The following SYN1 variants were observed in gnomAD, a reference collection of about 807,000 sequenced individuals.
SYN1 encodes synapsin I.
A neutral mutation model predicts 44.6 loss-of-function variants in SYN1; 8 were observed. The observed-to-expected ratio is 0.18, with a 90% CI of 0.11 to 0.32. The LOEUF (loss-of-function observed/expected upper bound fraction) is 0.32, where lower values mean the gene tolerates loss of function less well. Ranked by LOEUF, SYN1 falls within the 10% of genes least tolerant of loss-of-function variation. The pLI is 1.00. For missense variants in SYN1, 451 were observed against 639.4 expected (o/e 0.71, Z 3.18); for synonymous variants, 275 against 280.1 (o/e 0.98, Z 0.18).
intron 5 of SYN1, among the ~76,000 whole-genome samples, chrX:47,589,626 C>A (rs2057841386): frequency 9.2e-6 from 1 of 108,398 alleles, no homozygotes; most frequent in Non-Finnish European, 1.9e-5. Flanking sequence ...AGCAGGAACC[C>A]TGGAGCCAGA....
intron 5 of SYN1, among the ~76,000 whole-genome samples, chrX:47,600,737 T>A (rs2057877374): frequency 9.0e-6 from 1 of 111,548 alleles, no homozygotes; most frequent in Admixed American, 9.6e-5. Context: ...AGAAGAAAAT[T>A]TGAAAAATTT....
chrX:47,619,378 C>A lies in SYN1; in HGVS notation c.351G>T (p.Leu117=), dbSNP rs752724722. 8.4e-7 allele frequency: 1 copy of A among 1,197,384 alleles called. No homozygotes were observed. Among genetic ancestry groups the A allele is most frequent in the Non-Finnish European group, 1.1e-6 (1 of 893,140 alleles). ...AGTCGGTGTGCGGCTCGTCGATGAC[C>A]AGCAGCACCCTGGAGGCGGCTCCCC... ...GRGGAASRVL[L]VIDEPHTDWA... Residue 117 remains leucine, a synonymous_variant, in exon 1 of 13, where the codon CTG becomes CTT. Coordinates refer to ENST00000295987, the MANE Select transcript of SYN1 (RefSeq NM_006950.3).
At chrX:47,588,697 T>C (rs6520279) in intron 5 of SYN1, among the ~76,000 whole-genome samples, 50,801 of 110,287 alleles carry the variant, frequency 0.46, 8,436 homozygotes, top group South Asian at 0.51. Flanking sequence ...GTAGAACATC[T>C]GTTAAAATAG....
chrX:47,572,973 A>C lies in SYN1; in HGVS notation c.2009T>G (p.Phe670Cys), dbSNP rs2057764692. The change falls in exon 13 of 13, where the codon TTC becomes TGC. Residue 670 changes from phenylalanine (F) to cysteine (C), a missense_variant. Around this residue, in one of 3 missense-constraint regions of SYN1, gnomAD observed 127 missense variants for 154.8 expected, o/e 0.82. Coordinates refer to ENST00000295987, the MANE Select transcript of SYN1 (RefSeq NM_006950.3). Reference sequence around the variant, plus strand: ...GGGCGGGGCTGGCTCTGGAAGGTTGAAGGCATTGGTCAGAGACTGGGATTT... The same window carrying C: ...GGGCGGGGCTGGCTCTGGAAGGTTGCAGGCATTGGTCAGAGACTGGGATTT... ...LNKSQSLTNA[F>C]NLPEPAPPRP... is the part of the protein sequence containing the mutation. 8.3e-7 allele frequency: 1 copy of C among 1,209,037 alleles called. No homozygotes were observed. Among genetic ancestry groups the C allele is most frequent in the African/African-American group, 1.8e-5 (1 of 56,823 alleles).
At chrX:47,605,978 C>T (rs1388530843) in intron 3 of SYN1, among the ~76,000 whole-genome samples, 2 of 109,975 alleles carry the variant, frequency 1.8e-5, no homozygotes, top group Admixed American at 1.9e-4. Flanking sequence ...CTGTAATCTC[C>T]GCCTCTCGGG....
At chrX:47,594,517 A>T (rs2147923535) in intron 5 of SYN1, among the ~76,000 whole-genome samples, 1 of 104,925 alleles carries the variant, frequency 9.5e-6, no homozygotes, top group Admixed American at 1.0e-4. Context: ...TGGGTGACAA[A>T]GTGAGACTCT....
At chrX:47,600,253 G>A (rs2057875944) in intron 5 of SYN1, among the ~76,000 whole-genome samples, 1 of 109,639 alleles carries the variant, frequency 9.1e-6, no homozygotes, top group African/African-American at 3.3e-5. Flanking sequence ...GTGCAGTGGT[G>A]CAATCTCAGC....
At chrX:47,600,644 C>G (rs1165535548) in intron 5 of SYN1, among the ~76,000 whole-genome samples, 3 of 111,902 alleles carry the variant, frequency 2.7e-5, no homozygotes, top group Non-Finnish European at 5.6e-5. Flanking sequence ...AGCCAGAAAA[C>G]AAATCTCAGT....
At chrX:47,583,897 A>T (rs985726635) in intron 5 of SYN1, among the ~76,000 whole-genome samples, 3 of 111,857 alleles carry the variant, frequency 2.7e-5, no homozygotes, top group Non-Finnish European at 5.6e-5. Context: ...GATACTTGTT[A>T]TAACACAGTA....
rs369858603 is a variant in SYN1, at chrX:47,614,468, G to A, written c.377+4884C>T. Reference sequence around the variant, plus strand: ...GGAGAGGATGAATATCATTTATGACGTTGAAATCAACTGCAGCAGCAGAGA... The same window carrying A: ...GGAGAGGATGAATATCATTTATGACATTGAAATCAACTGCAGCAGCAGAGA... On this transcript the variant is annotated intron_variant, in intron 1 of 12. Coordinates refer to ENST00000295987, the MANE Select transcript of SYN1 (RefSeq NM_006950.3). Among the ~76,000 whole-genome samples the A allele has an allele frequency of 2.2e-4, 25 of 111,460 alleles. No individual in the cohort carries two copies. In the South Asian group the frequency reaches 9.2e-3, roughly 41 times the overall value.
rs1410280625 is a variant in SYN1 at position 47,572,253 on chromosome X, C to G, written c.*611G>C. 1 of 112,383 alleles carries G rather than the reference C, an allele frequency of 8.9e-6. No individual in the cohort carries two copies. Among genetic ancestry groups the G allele is most frequent in the African/African-American group, 3.3e-5 (1 of 30,229 alleles). 9.3% of individuals were successfully genotyped at this position (112,383 alleles called of 1,213,427 possible). A position where few individuals can be genotyped will look rare whatever the true frequency, so the allele number is the denominator to read the frequency against. ...CTGGGGAGGGGGTCCCTGGGGGAAC[C>G]GAGGGGTCCTGGAAGTGGGAGGGGC... On this transcript the variant is annotated 3_prime_UTR_variant, in exon 13 of 13. Coordinates refer to ENST00000295987, the MANE Select transcript of SYN1 (RefSeq NM_006950.3).
At chrX:47,577,851 G>A (rs890347367) in intron 5 of SYN1, among the ~76,000 whole-genome samples, 2 of 100,986 alleles carry the variant, frequency 2.0e-5, no homozygotes, top group Admixed American at 2.1e-4. Flanking sequence ...AGGCAAGTGT[G>A]TGCCAGTGCG....
chrX:47,609,303 GGT>G (rs2147929786), intron 1 of SYN1, among the ~76,000 whole-genome samples: 1 of 112,118 alleles, frequency 8.9e-6, no homozygotes, highest in South Asian at 3.7e-4. Flanking sequence ...CCTTGTCCAA[GGT>G]TACACCTACT....
In SYN1 at chrX:47,605,349, G is replaced by A; in HGVS notation, c.558C>T (p.Arg186=). The change falls in exon 4 of 13, where the codon CGC becomes CGT. Residue 186 remains arginine, a synonymous_variant. Transcript: ENST00000295987. ...RSLKPDFVLI[R]QHAFSMARNG... ...TGCGTGCCATGCTGAAGGCGTGCTG[G>A]CGGATCAGCACAAAATCCGGCTTCA... is the stretch of plus-strand genomic sequence containing the variant. The A allele has an allele frequency of 8.3e-7, 1 of 1,211,480 alleles. No homozygotes were observed. The highest frequency in any genetic ancestry group is 1.1e-6 in the Non-Finnish European group (1 of 895,317).
intron 3 of SYN1, among the ~76,000 whole-genome samples, chrX:47,606,710 C>T (rs955809154): frequency 4.7e-5 from 5 of 106,743 alleles, no homozygotes; most frequent in African/African-American, 1.7e-4. Context: ...GCCTGGGAGA[C>T]AGAGCAAGAC....
intron 1 of SYN1, among the ~76,000 whole-genome samples, chrX:47,609,779 A>C (rs1228519713): frequency 8.9e-6 from 1 of 111,851 alleles, no homozygotes; most frequent in African/African-American, 3.3e-5. Flanking sequence ...GACTTAGGCC[A>C]TATGATCCAG....
At chrX:47,614,798 C>T (rs757611320) in intron 1 of SYN1, among the ~76,000 whole-genome samples, 1 of 112,141 alleles carries the variant, frequency 8.9e-6, no homozygotes, top group Non-Finnish European at 1.9e-5. Flanking sequence ...AGGGGGCAGC[C>T]TACAGCCAAT....
At chrX:47,588,058 G>A (rs2057833518) in intron 5 of SYN1, among the ~76,000 whole-genome samples, 1 of 112,170 alleles carries the variant, frequency 8.9e-6, no homozygotes, top group African/African-American at 3.2e-5. Flanking sequence ...TACACTCCTG[G>A]GAGGTTACCC....
At chrX:47,579,619 C>G (rs903638450) in intron 5 of SYN1, among the ~76,000 whole-genome samples, 1 of 110,735 alleles carries the variant, frequency 9.0e-6, no homozygotes, top group Non-Finnish European at 1.9e-5. Context: ...ACCGGATCCA[C>G]ACGACTCCTC....
Sources: allele counts gnomAD v4.1 joint callset (sites outside exome capture counted in the v4.1 genomes callset), GRCh38; gene constraint gnomAD v4.1.1; regional missense constraint gnomAD v4.1.1; transcripts MANE v1.5; gene names NCBI Gene and HGNC (gene_info 2026-07-23, HGNC 2026-07-21).